GSN: variants seen among roughly 807,000 people sequenced by gnomAD.
GSN encodes the protein actin-depolymerizing factor.
A neutral mutation model predicts 85.7 loss-of-function variants in GSN; 56 were observed. That is an observed-to-expected ratio of 0.65 (90% CI 0.53 to 0.82). The LOEUF is 0.82. Ranked by LOEUF, GSN falls within the 40% of genes least tolerant of loss-of-function variation. The pLI is 0.00. For synonymous variants in GSN, 373 were observed against 399.1 expected, an observed-to-expected ratio of 0.93 and a Z score of 0.78; for missense variants, 857 against 979.8, an observed-to-expected ratio of 0.87 and a Z score of 1.67.
intron 4 of GSN, among the ~76,000 whole-genome samples, chr9:121,306,814 A>T (rs1355536463): frequency 1.3e-5 from 2 of 152,182 alleles, no homozygotes; most frequent in African/African-American, 2.4e-5. Context: ...TCCAATTCTA[A>T]TTCCCTAGAC....
chr9:121,209,866 G>C (rs968224043), intron 2 of GSN, among the ~76,000 whole-genome samples: 1 of 152,298 alleles, frequency 6.6e-6, no homozygotes, highest in East Asian at 1.9e-4. Flanking sequence ...GTTTTCTTTA[G>C]AGTAATACAA....
At chr9:121,254,690 A>G (rs1305074835) in intron 6 of GSN, among the ~76,000 whole-genome samples, 3 of 152,198 alleles carry the variant, frequency 2.0e-5, no homozygotes, top group African/African-American at 7.2e-5. Context: ...CAATGAGCAC[A>G]CGTAGCAATA....
chr9:121,205,651 C>A (rs892072325), upstream of GSN, among the ~76,000 whole-genome samples: 1 of 152,244 alleles, frequency 6.6e-6, no homozygotes, highest in Admixed American at 6.5e-5. Flanking sequence ...CATAATGACA[C>A]AAGCTAACCA....
chr9:121,316,682 G>A (rs542755813), intron 7 of GSN, among the ~76,000 whole-genome samples: 1 of 152,234 alleles, frequency 6.6e-6, no homozygotes, highest in African/African-American at 2.4e-5. Context: ...TGTTGCCCAG[G>A]CTGGTCTTGA....
At position 121,329,021 on chromosome 9, in the gene GSN, C is replaced by G. The variant is rs879195042; in HGVS notation, c.1887+6C>G. 1 of 1,613,338 alleles carries G rather than the reference C, an allele frequency of 6.2e-7. No homozygotes were observed. The highest frequency in any genetic ancestry group is 8.5e-7 in the Non-Finnish European group (1 of 1,179,926). Reference sequence around the variant, plus strand: ...ACAAGATTGGACGTTTTGTGGTGAGCCCCTGCGGAGGTCACACCTCTGCTT... The same window carrying G: ...ACAAGATTGGACGTTTTGTGGTGAGGCCCTGCGGAGGTCACACCTCTGCTT... On this transcript the variant is annotated splice_donor_region_variant and intron_variant, in intron 15 of 17. Transcript: ENST00000432226. This position sits in a 1 kb window ranked among gnomAD's most constrained non-coding sequence, Gnocchi z 4.6.
intron 1 of GSN, among the ~76,000 whole-genome samples, chr9:121,269,289 G>T (rs1359062038): frequency 6.6e-6 from 1 of 152,116 alleles, no homozygotes. Flanking sequence ...CGTTTACAGC[G>T]ACCATAGCTT....
intron 2 of GSN, chr9:121,286,766 G>A: frequency 2.0e-6 from 3 of 1,534,580 alleles, no homozygotes; most frequent in Non-Finnish European, 2.6e-6. Flanking sequence ...TGTACAGTAG[G>A]TATTTTTTAA....
At chr9:121,288,379 C>T (rs902954774) in intron 2 of GSN, among the ~76,000 whole-genome samples, 1 of 152,168 alleles carries the variant, frequency 6.6e-6, no homozygotes, top group African/African-American at 2.4e-5. Flanking sequence ...CTAATGTGCA[C>T]AGTGTCTGAC....
intron 5 of GSN, among the ~76,000 whole-genome samples, chr9:121,241,338 T>C (rs2054599089): frequency 6.6e-6 from 1 of 152,222 alleles, no homozygotes; most frequent in South Asian, 2.1e-4. Context: ...AAATCAAATC[T>C]GAGCCAATCA....
Position 121,324,686 on chromosome 9 carries a change from T to A in GSN, c.1416+42T>A, listed in dbSNP as rs376516181. The A allele has an allele frequency of 8.3e-6, 8 of 965,090 alleles. No homozygotes were observed. In the South Asian group the frequency reaches 1.1e-4, roughly 13 times the overall value. The allele number at this position is 965,090 out of a possible 1,614,324, so 59.8% of individuals were successfully genotyped here. A position where few individuals can be genotyped will look rare whatever the true frequency, so the allele number is the denominator to read the frequency against. On this transcript the variant is annotated intron_variant, in intron 12 of 17. Coordinates refer to ENST00000432226, the MANE Select transcript of GSN (RefSeq NM_198252.3). ...GCCTCTCTGGGCTGCAGCCTGAGCC[T>A]TGTCCTTCTCTTCACTCATCTGTCT...
intron 5 of GSN, among the ~76,000 whole-genome samples, chr9:121,237,537 C>A (rs1448581998): frequency 6.6e-6 from 1 of 152,144 alleles, no homozygotes; most frequent in Admixed American, 6.5e-5. Flanking sequence ...AGCGACAGAG[C>A]AAGACTCTGC....
chr9:121,318,985 T>C lies in GSN; in HGVS notation c.1191+105T>C, dbSNP rs79111907. The stretch of plus-strand genomic sequence containing the variant: ...GGTTTCTCTCTGAGGTTTGCACAAC[T>C]TTGGTAGCTGAGATTCTTTGGTGTT... On this transcript the variant is annotated intron_variant, in intron 10 of 17. Coordinates refer to ENST00000432226, the MANE Select transcript of GSN (RefSeq NM_198252.3). The surrounding 1 kb of genome is among the most constrained non-coding windows in gnomAD (Gnocchi z 4.3). The C allele has an allele frequency of 6.1e-3, 5,569 of 910,960 alleles. 355 individuals carry two copies. In the East Asian group the frequency reaches 0.13, roughly 21 times the overall value. The allele number at this position is 910,960 out of a possible 1,614,324, so 56.4% of individuals were successfully genotyped here.
chr9:121,207,921 A>ATTGTGTGTGTG (rs1491462318), intron 1 of GSN: 2 of 59,266 alleles, frequency 3.4e-5, no homozygotes, highest in East Asian at 1.1e-3. Flanking sequence ...CATCTGGCTA[A>ATTGTGTGTGTG]TATGTGTGTG....
chr9:121,328,721 C>T, intron 14 of GSN, 170 bp from the exon 15 acceptor site: 1 of 723,086 alleles, frequency 1.4e-6, no homozygotes. Context: ...ATTTCGTCAC[C>T]TTCCAATTCC....
chr9:121,237,628 C>T (rs1027149543), intron 5 of GSN, among the ~76,000 whole-genome samples: 2 of 152,176 alleles, frequency 1.3e-5, no homozygotes, highest in African/African-American at 4.8e-5. Context: ...CACAGAACCA[C>T]AGGCACATCA....
chr9:121,278,954 G>A (rs113425873), intron 1 of GSN, among the ~76,000 whole-genome samples: 3 of 152,366 alleles, frequency 2.0e-5, no homozygotes, highest in African/African-American at 4.8e-5. Context: ...GCACGTGCAC[G>A]TATGTGTTAC....
At chr9:121,298,234 G>T (rs902850149) in intron 2 of GSN, among the ~76,000 whole-genome samples, 7 of 152,184 alleles carry the variant, frequency 4.6e-5, no homozygotes, top group Admixed American at 2.0e-4. Flanking sequence ...TAATTCACTG[G>T]ATATGGTTAT....
At chr9:121,315,423 A>G (rs1220388690) in intron 7 of GSN, among the ~76,000 whole-genome samples, 2 of 152,168 alleles carry the variant, frequency 1.3e-5, no homozygotes, top group Non-Finnish European at 2.9e-5. Context: ...AAGTTCCTAG[A>G]CAAGGAACTG....
At chr9:121,278,381 A>G (rs1396091023) in intron 1 of GSN, among the ~76,000 whole-genome samples, 1 of 152,218 alleles carries the variant, frequency 6.6e-6, no homozygotes, top group African/African-American at 2.4e-5. Flanking sequence ...TGTTACTCCC[A>G]TCAGGTCTGA....
Sources: allele counts gnomAD v4.1 joint callset (sites outside exome capture counted in the v4.1 genomes callset), GRCh38; gene constraint gnomAD v4.1.1; non-coding constraint Gnocchi (gnomAD v3.1); transcripts MANE v1.5; gene names NCBI Gene and HGNC (gene_info 2026-07-23, HGNC 2026-07-21).